ALK: variants seen among roughly 807,000 people sequenced by gnomAD.
The protein encoded by ALK is ALK tyrosine kinase receptor.
ALK carries 74 observed loss-of-function variants against 163.1 expected under a neutral mutation model. The observed-to-expected ratio is 0.45, with a 90% CI of 0.38 to 0.55. The LOEUF is 0.55. ALK is among the 20% of genes least tolerant of loss of function. The pLI is 0.00. For synonymous variants in ALK, 960 were observed against 843.2 expected, an observed-to-expected ratio of 1.14 and a Z score of -2.40; for missense variants, 2,063 against 2,105.3, an observed-to-expected ratio of 0.98 and a Z score of 0.39.
chr2:29,670,895 T>G (rs1677663468), intron 3 of ALK, among the ~76,000 whole-genome samples: 1 of 152,134 alleles, frequency 6.6e-6, no homozygotes, highest in African/African-American at 2.4e-5. Flanking sequence ...GATAAACTTT[T>G]GATTTGCTTT....
At chr2:29,211,347 C>CAAAAT (rs1553391786) in intron 24 of ALK, among the ~76,000 whole-genome samples, 1 of 151,466 alleles carries the variant, frequency 6.6e-6, no homozygotes, top group Non-Finnish European at 1.5e-5. Flanking sequence ...AGAAATATAG[C>CAAAAT]AAAGTAGACC....
intron 3 of ALK, among the ~76,000 whole-genome samples, chr2:29,602,429 A>T (rs1301958805): frequency 1.3e-5 from 2 of 152,228 alleles, no homozygotes; most frequent in Non-Finnish European, 2.9e-5. Flanking sequence ...AGACATGAGT[A>T]GGGCTGATCT....
rs1573561983 is a variant in ALK at position 29,695,026 on chromosome 2, G to A, written c.788-12C>T. Reference sequence around the variant, plus strand: ...GCTGCACTCCAGACCTGCAATAATAGCCAAGGGTCAATGGAAAAAACCATT... The same window carrying A: ...GCTGCACTCCAGACCTGCAATAATAACCAAGGGTCAATGGAAAAAACCATT... On this transcript the variant is annotated splice_polypyrimidine_tract_variant and intron_variant, in intron 2 of 28. Coordinates refer to ENST00000389048, the MANE Select transcript of ALK (RefSeq NM_004304.5). The A allele has an allele frequency of 6.2e-7, 1 of 1,613,978 alleles. No homozygotes were observed. The highest frequency in any genetic ancestry group is 2.2e-5 in the East Asian group (1 of 44,840).
chr2:29,906,623 T>A (rs1667554874), intron 1 of ALK, among the ~76,000 whole-genome samples: 1 of 152,192 alleles, frequency 6.6e-6, no homozygotes, highest in African/African-American at 2.4e-5. Context: ...TTAAACAGGC[T>A]GAAATTCAAA....
At chr2:29,690,884 A>G (rs935927799) in intron 3 of ALK, among the ~76,000 whole-genome samples, 1 of 152,198 alleles carries the variant, frequency 6.6e-6, no homozygotes, top group Non-Finnish European at 1.5e-5. Flanking sequence ...AAAACAAACT[A>G]GTGACTACAT....
intron 1 of ALK, among the ~76,000 whole-genome samples, chr2:29,883,503 G>A (rs1184969161): frequency 2.0e-5 from 3 of 152,198 alleles, no homozygotes; most frequent in African/African-American, 7.2e-5. Flanking sequence ...GATGGGTGCT[G>A]TGACTTGTCT....
chr2:29,625,496 A>G (rs1037543009), intron 3 of ALK, among the ~76,000 whole-genome samples: 4 of 152,220 alleles, frequency 2.6e-5, no homozygotes, highest in African/African-American at 4.8e-5. Flanking sequence ...ACAACTACCT[A>G]AATTTCACAA....
At chr2:29,633,177 C>T (rs937237002) in intron 3 of ALK, among the ~76,000 whole-genome samples, 14 of 152,302 alleles carry the variant, frequency 9.2e-5, no homozygotes, top group African/African-American at 3.4e-4. Flanking sequence ...TGATGATCCT[C>T]ATAGGCTGAA....
chr2:29,217,138 GT>G (rs1669656668), intron 23 of ALK, among the ~76,000 whole-genome samples: 2 of 141,458 alleles, frequency 1.4e-5, no homozygotes, highest in African/African-American at 6.2e-5. Context: ...TGGTGTGTGT[GT>G]GTGTGTGTGT....
chr2:29,195,504 G>A (rs552017247), intron 28 of ALK, among the ~76,000 whole-genome samples: 8 of 152,244 alleles, frequency 5.3e-5, no homozygotes, highest in Non-Finnish European at 7.4e-5. Context: ...AGGCCGAGGC[G>A]GGTGGATCAC....
intron 1 of ALK, among the ~76,000 whole-genome samples, chr2:29,863,123 T>C (rs1666338385): frequency 6.6e-6 from 1 of 152,294 alleles, no homozygotes; most frequent in African/African-American, 2.4e-5. Context: ...TTGAAATGGA[T>C]TAATGACTTA....
At chr2:29,678,704 A>G (rs1677968530) in intron 3 of ALK, among the ~76,000 whole-genome samples, 1 of 151,294 alleles carries the variant, frequency 6.6e-6, no homozygotes, top group Admixed American at 6.6e-5. Flanking sequence ...TTAAATTTAA[A>G]TTTAATTTTA....
intron 1 of ALK, among the ~76,000 whole-genome samples, chr2:29,774,913 C>T (rs1285043742): frequency 6.6e-6 from 1 of 152,110 alleles, no homozygotes; most frequent in Non-Finnish European, 1.5e-5. Context: ...TTCTAAAATT[C>T]TGAATCGGGG....
At chr2:29,295,824 G>A (rs776882196) in intron 9 of ALK, among the ~76,000 whole-genome samples, 3 of 152,134 alleles carry the variant, frequency 2.0e-5, no homozygotes, top group Non-Finnish European at 4.4e-5. Flanking sequence ...GGCAGAGGCT[G>A]CTGTGGGTTG....
At chr2:29,722,867 T>C (rs1031541947) in intron 1 of ALK, among the ~76,000 whole-genome samples, 4 of 152,104 alleles carry the variant, frequency 2.6e-5, no homozygotes, top group East Asian at 1.9e-4. Context: ...TTTCAGAAAG[T>C]GTTACCAATA....
chr2:29,798,351 C>T (rs1335822503), intron 1 of ALK, among the ~76,000 whole-genome samples: 1 of 152,152 alleles, frequency 6.6e-6, no homozygotes, highest in East Asian at 1.9e-4. Context: ...CAAAATTAGC[C>T]ACAGAAATCC....
intron 1 of ALK, among the ~76,000 whole-genome samples, chr2:29,810,238 A>G (rs1331211683): frequency 1.3e-5 from 2 of 152,030 alleles, no homozygotes; most frequent in Non-Finnish European, 2.9e-5. Flanking sequence ...CCTGGCCAAC[A>G]GGGTGATACG....
chr2:29,315,758 T>A (rs1666815357), intron 8 of ALK, among the ~76,000 whole-genome samples: 1 of 152,208 alleles, frequency 6.6e-6, no homozygotes, highest in Non-Finnish European at 1.5e-5. Context: ...ATGACACCAG[T>A]TCTTCTCTGG....
chr2:29,382,587 A>C (rs1424791216), intron 5 of ALK, among the ~76,000 whole-genome samples: 1 of 152,200 alleles, frequency 6.6e-6, no homozygotes, highest in Non-Finnish European at 1.5e-5. Flanking sequence ...AACTGGTTCC[A>C]TTTCAACAGA....
Sources: allele counts gnomAD v4.1 joint callset (sites outside exome capture counted in the v4.1 genomes callset), GRCh38; gene constraint gnomAD v4.1.1; transcripts MANE v1.5; gene names NCBI Gene and HGNC (gene_info 2026-07-23, HGNC 2026-07-21).